FOCAD: variants seen among roughly 807,000 people sequenced by gnomAD.
The protein encoded by FOCAD is focadhesin.
In FOCAD, 198 loss-of-function variants were observed where a neutral mutation model predicts 225.6. The observed-to-expected ratio is 0.88, with a 90% CI of 0.78 to 0.99. FOCAD has a LOEUF of 0.99. Ranked by LOEUF, FOCAD falls within the 50% of genes least tolerant of loss-of-function variation. The pLI, the probability that FOCAD is intolerant of heterozygous loss-of-function variation, is 0.00. For synonymous variants in FOCAD, 897 were observed against 755.0 expected, an observed-to-expected ratio of 1.19 and a Z score of -3.08; for missense variants, 2,713 against 2,123.6, an observed-to-expected ratio of 1.28 and a Z score of -5.46.
intron 8 of FOCAD, among the ~76,000 whole-genome samples, chr9:20,771,477 G>C (rs919618617): frequency 7.2e-5 from 11 of 152,146 alleles, no homozygotes; most frequent in African/African-American, 2.7e-4. Context: ...TGTATTTATT[G>C]GTTGGGTGCA....
rs555598429 is a variant in FOCAD, at chr9:20,754,738, G to C, written c.393-3352G>C. Among the ~76,000 whole-genome samples, 11 of 152,124 alleles carry C rather than the reference G, an allele frequency of 7.2e-5. No homozygotes were observed. In the East Asian group the frequency reaches 1.5e-3, roughly 21 times the overall value. ...GGAGAAATCCTACTTGTATCTAGTG[G>C]GTGGAGGCCAGGGATGCTGCCAAGC... On this transcript the variant is annotated intron_variant, in intron 5 of 43. Coordinates refer to ENST00000338382, the MANE Select transcript of FOCAD (RefSeq NM_001375567.1).
At chr9:20,939,206 G>A (rs1274607643) in intron 28 of FOCAD, among the ~76,000 whole-genome samples, 1 of 146,454 alleles carries the variant, frequency 6.8e-6, no homozygotes, top group Non-Finnish European at 1.5e-5. Flanking sequence ...GAGTTTGATG[G>A]CATGGTTGAA....
intron 30 of FOCAD, 108 bp downstream of exon 30, chr9:20,946,928 A>G: frequency 1.5e-6 from 2 of 1,363,318 alleles, no homozygotes; most frequent in Admixed American, 2.6e-5. Flanking sequence ...TTTCATGTCT[A>G]GAACTGAGGA....
Position 20,719,504 on chromosome 9 carries a change from C to CT in FOCAD, c.133-866dup, listed in dbSNP as rs199996867. On this transcript the variant is annotated intron_variant, in intron 3 of 43. Transcript: ENST00000338382. Reference sequence around the variant, plus strand: ...AGGAAAAATTGCTTCATTATTTGTTCTTTTTTTTTTATAATACAACTGTGT... The same window carrying CT: ...AGGAAAAATTGCTTCATTATTTGTTCTTTTTTTTTTTATAATACAACTGTGT... Among the ~76,000 whole-genome samples the CT allele has an allele frequency of 8.5e-3, 1,260 of 148,178 alleles. 16 individuals are homozygous for CT. The highest frequency in any genetic ancestry group is 0.026 in the African/African-American group (1,036 of 40,510).
At chr9:20,659,372 A>C (rs1361226881) in intron 2 of FOCAD, among the ~76,000 whole-genome samples, 2 of 151,560 alleles carry the variant, frequency 1.3e-5, no homozygotes. Context: ...GCGCCACTGC[A>C]CTCCAGCCTG....
intron 1 of FOCAD, among the ~76,000 whole-genome samples, chr9:20,698,107 A>T (rs1395488774): frequency 6.6e-6 from 1 of 152,230 alleles, no homozygotes; most frequent in East Asian, 1.9e-4. Flanking sequence ...AAATAAGATC[A>T]CTTTTTTTAA....
intron 11 of FOCAD, among the ~76,000 whole-genome samples, chr9:20,794,256 A>G (rs1369470555): frequency 1.3e-5 from 2 of 152,210 alleles, no homozygotes; most frequent in African/African-American, 2.4e-5. Context: ...AAGACACTGT[A>G]TATATGTTTT....
intron 30 of FOCAD, 91 bp downstream of exon 30, chr9:20,946,911 G>A: frequency 6.7e-7 from 1 of 1,489,850 alleles, no homozygotes; most frequent in Non-Finnish European, 9.1e-7. Context: ...GAGTATAATG[G>A]GATATTTTTC....
chr9:20,789,325 A>C, intron 10 of FOCAD, 26 bp from the exon 11 acceptor site: 1 of 1,598,824 alleles, frequency 6.3e-7, no homozygotes, highest in Non-Finnish European at 8.6e-7. Flanking sequence ...TCACTTATTT[A>C]TGCCTCTCTT....
At chr9:20,678,717 C>T (rs1822309762) in intron 2 of FOCAD, among the ~76,000 whole-genome samples, 1 of 152,228 alleles carries the variant, frequency 6.6e-6, no homozygotes, top group South Asian at 2.1e-4. Flanking sequence ...TGTGGACTGG[C>T]TGTGTTACGT....
intron 15 of FOCAD, among the ~76,000 whole-genome samples, chr9:20,858,390 A>G (rs1165395991): frequency 6.6e-6 from 1 of 152,012 alleles, no homozygotes; most frequent in Non-Finnish European, 1.5e-5. Flanking sequence ...GTTGCTCATA[A>G]TCTTCTCTAA....
Position 20,929,371 on chromosome 9 carries a change from G to A in FOCAD, c.3092G>A (p.Gly1031Asp). 1.9e-6 allele frequency: 3 copies of A among 1,614,026 alleles called. No homozygotes were observed. The highest frequency in any genetic ancestry group is 1.1e-5 in the South Asian group (1 of 91,072). ...GGCATGTCCTAGAAGTCCTATTCTG[G>A]TGAAAACACAGCTAGTGCCATTGCC... Reference protein sequence around the residue: ...LSWFYYKSYSGENTASAIARS... With the variant: ...LSWFYYKSYSDENTASAIARS... Residue 1031 changes from glycine to aspartate, a missense_variant, in exon 27 of 44, where the codon GGT (glycine) becomes GAT (aspartate). Transcript: ENST00000338382.
rs557363607 is a variant in FOCAD at position 20,985,007 on chromosome 9, G to C, written c.4729-1281G>C. Among the ~76,000 whole-genome samples the C allele has an allele frequency of 2.0e-5, 3 of 152,216 alleles. No individual in the cohort carries two copies. In the East Asian group the frequency reaches 5.8e-4, roughly 29 times the overall value. On this transcript the variant is annotated intron_variant, in intron 39 of 43. Transcript: ENST00000338382. ...GTAGAGACAGGGTTTTACCATGTTG[G>C]CCAGGCTGGTTTTGACCTCCTGGCC...
At chr9:20,769,967 T>A (rs1207676990) in intron 7 of FOCAD, 65 bp from the exon 8 acceptor site, 1 of 1,418,264 alleles carries the variant, frequency 7.1e-7, no homozygotes, top group East Asian at 2.3e-5. Flanking sequence ...AAGCTTTTTG[T>A]GTACTTTAAA....
rs781026912 is a variant in FOCAD, at chr9:20,990,255, C to T, written c.5137C>T (p.Pro1713Ser). The T allele has an allele frequency of 3.7e-6, 6 of 1,614,184 alleles. No homozygotes were observed. In the South Asian group the frequency reaches 6.6e-5, roughly 18 times the overall value. Reference sequence around the variant, plus strand: ...GGAGAATGGCCCGGCTGGGCCAGTACCAAGCTTCCTTGGCAGGAGTCCAAT... The same window carrying T: ...GGAGAATGGCCCGGCTGGGCCAGTATCAAGCTTCCTTGGCAGGAGTCCAAT... ...HQENGPAGPV[P>S]SFLGRSPMHR... The change falls in exon 42 of 44, where the codon CCA becomes TCA. Residue 1713 changes from proline to serine, a missense_variant. Pro to Ser is a moderately conservative substitution (Grantham distance 74). Transcript: ENST00000338382.
In FOCAD at chr9:20,907,251, A is replaced by G. The variant is rs1001438533; in HGVS notation, c.2718+9A>G. ...ATCATGCCATTTTACAGGTAATGAA[A>G]CCACAGGATAGGTTTGCTTTGGCGA... On this transcript the variant is annotated intron_variant, in intron 22 of 43. Transcript: ENST00000338382. 1 of 1,610,068 alleles carries G rather than the reference A, an allele frequency of 6.2e-7. No homozygotes were observed.
chr9:20,807,555 T>A (rs1356087247), intron 11 of FOCAD, among the ~76,000 whole-genome samples: 1 of 152,242 alleles, frequency 6.6e-6, no homozygotes, highest in Non-Finnish European at 1.5e-5. Context: ...AAATTATTAC[T>A]GAAGTATGTT....
chr9:20,895,262 A>G (rs546258178), intron 21 of FOCAD, among the ~76,000 whole-genome samples: 1 of 152,026 alleles, frequency 6.6e-6, no homozygotes, highest in South Asian at 2.1e-4. Context: ...CAGTCCTCCA[A>G]CTTTGCTCTT....
chr9:20,893,653 G>C (rs1269495363), intron 21 of FOCAD, among the ~76,000 whole-genome samples: 5 of 152,018 alleles, frequency 3.3e-5, no homozygotes, highest in Admixed American at 3.3e-4. Context: ...ATGGCTAAAA[G>C]AACTTTATTT....
Sources: allele counts gnomAD v4.1 joint callset (sites outside exome capture counted in the v4.1 genomes callset), GRCh38; gene constraint gnomAD v4.1.1; transcripts MANE v1.5; gene names NCBI Gene and HGNC (gene_info 2026-07-23, HGNC 2026-07-21).